NRG1: variants seen among roughly 807,000 people sequenced by gnomAD.
NRG1 encodes pro-neuregulin-1, membrane-bound isoform.
NRG1 carries 18 observed loss-of-function variants against 63.8 expected under a neutral mutation model. That is an observed-to-expected ratio of 0.28 (90% CI 0.19 to 0.42). The LOEUF (loss-of-function observed/expected upper bound fraction) is 0.42. Ranked by LOEUF, NRG1 falls within the 10% of genes least tolerant of loss-of-function variation. NRG1 has a pLI of 1.00. For synonymous variants in NRG1, 302 were observed against 301.3 expected (o/e 1.00, Z -0.02); for missense variants, 762 against 814.7 (o/e 0.94, Z 0.79).
intron 1 of NRG1, among the ~76,000 whole-genome samples, chr8:32,182,590 G>C (rs934179341): frequency 6.6e-6 from 1 of 152,132 alleles, no homozygotes; most frequent in Non-Finnish European, 1.5e-5. Context: ...GTCTGGTGTG[G>C]TCGATCAAGA....
At chr8:31,677,786 T>C (rs192755096) in intron 1 of NRG1, among the ~76,000 whole-genome samples, 82 of 152,312 alleles carry the variant, frequency 5.4e-4, no homozygotes, top group African/African-American at 1.8e-3. Context: ...TACCATTCAA[T>C]CCTGGTGATT....
intron 1 of NRG1, chr8:31,641,688 C>T (rs374274570): frequency 2.0e-5 from 3 of 152,068 alleles, no homozygotes; most frequent in Non-Finnish European, 2.9e-5. Context: ...TAACACATAG[C>T]GGGGTTTCTT....
chr8:32,575,928 A>G (rs1171863670), intron 1 of NRG1, among the ~76,000 whole-genome samples: 1 of 152,224 alleles, frequency 6.6e-6, no homozygotes, highest in East Asian at 1.9e-4. Flanking sequence ...AGCAACCTTC[A>G]TAGGAATTCT....
intron 1 of NRG1, among the ~76,000 whole-genome samples, chr8:31,670,814 T>G (rs539182248): frequency 3.1e-4 from 47 of 152,162 alleles, no homozygotes; most frequent in Non-Finnish European, 5.1e-4. Flanking sequence ...TTGCAACTTT[T>G]ATATTATGTT....
chr8:32,230,246 T>G (rs913540305), intron 1 of NRG1, among the ~76,000 whole-genome samples: 1 of 152,126 alleles, frequency 6.6e-6, no homozygotes, highest in Non-Finnish European at 1.5e-5. Context: ...TGTGCTAAGG[T>G]CAGCTTGGGG....
At chr8:32,720,958 G>A (rs1422209985) in intron 5 of NRG1, among the ~76,000 whole-genome samples, 1 of 152,148 alleles carries the variant, frequency 6.6e-6, no homozygotes, top group Non-Finnish European at 1.5e-5. Flanking sequence ...CTACAAATGA[G>A]ATCAGTGTTA....
chr8:32,270,120 A>G (rs757048690), intron 1 of NRG1, among the ~76,000 whole-genome samples: 4 of 152,230 alleles, frequency 2.6e-5, no homozygotes, highest in Admixed American at 6.5e-5. Flanking sequence ...GCATTTTAAT[A>G]TGCTGTGAAG....
intron 3 of NRG1, among the ~76,000 whole-genome samples, chr8:32,609,935 TGC>T (rs1286116950): frequency 6.6e-6 from 1 of 151,826 alleles, no homozygotes; most frequent in Admixed American, 6.6e-5. Flanking sequence ...GCTCCCAAAG[TGC>T]TTGGATTACA....
intron 1 of NRG1, among the ~76,000 whole-genome samples, chr8:32,097,793 A>G (rs1338073892): frequency 6.6e-6 from 1 of 152,228 alleles, no homozygotes; most frequent in Non-Finnish European, 1.5e-5. Context: ...AGACAATATG[A>G]GACAGCAAAT....
intron 5 of NRG1, among the ~76,000 whole-genome samples, chr8:32,692,872 A>G (rs1174017986): frequency 6.6e-6 from 1 of 152,154 alleles, no homozygotes; most frequent in Non-Finnish European, 1.5e-5. Context: ...ATGGCCAAGT[A>G]TGGAATTTCT....
chr8:31,794,989 G>A (rs2131682184), intron 1 of NRG1, among the ~76,000 whole-genome samples: 1 of 152,218 alleles, frequency 6.6e-6, no homozygotes, highest in East Asian at 1.9e-4. Context: ...TTTTAGTAGA[G>A]GTGGAGTTTC....
At chr8:32,503,288 GAAAAAAAAAAAAAAAA>G (rs60857610) in intron 1 of NRG1, among the ~76,000 whole-genome samples, 2 of 54,862 alleles carry the variant, frequency 3.6e-5, no homozygotes, top group Non-Finnish European at 6.8e-5. Context: ...CTCTGTCTCA[GAAAAAAAAAAAAAAAA>G]AAAAAAAAAA....
intron 1 of NRG1, among the ~76,000 whole-genome samples, chr8:32,013,512 G>A (rs1222496710): frequency 2.0e-5 from 3 of 152,078 alleles, no homozygotes; most frequent in Non-Finnish European, 4.4e-5. Flanking sequence ...TAACTGCTAA[G>A]CTGTGCCAGT....
intron 1 of NRG1, among the ~76,000 whole-genome samples, chr8:31,746,422 T>A (rs1815868773): frequency 6.6e-6 from 1 of 151,988 alleles, no homozygotes; most frequent in Non-Finnish European, 1.5e-5. Flanking sequence ...CACTTCACAC[T>A]TTTGCAGTGT....
At chr8:31,962,573 T>A (rs529185571) in intron 1 of NRG1, among the ~76,000 whole-genome samples, 1 of 152,310 alleles carries the variant, frequency 6.6e-6, no homozygotes, top group East Asian at 1.9e-4. Context: ...ATATGGGACC[T>A]TCAAACTTGG....
intron 1 of NRG1, among the ~76,000 whole-genome samples, chr8:31,932,369 C>G (rs148544039): frequency 6.6e-6 from 1 of 152,072 alleles, no homozygotes; most frequent in Non-Finnish European, 1.5e-5. Flanking sequence ...ATCAGCTACC[C>G]GACAATATTG....
At chr8:32,227,439 G>GA (rs1206000958) in intron 1 of NRG1, among the ~76,000 whole-genome samples, 1 of 151,998 alleles carries the variant, frequency 6.6e-6, no homozygotes, top group Non-Finnish European at 1.5e-5. Flanking sequence ...ATTATTTTAA[G>GA]AAAAAAACTA....
intron 5 of NRG1, among the ~76,000 whole-genome samples, chr8:32,629,221 T>C (rs1849831398): frequency 6.6e-6 from 1 of 152,226 alleles, no homozygotes; most frequent in Admixed American, 6.5e-5. Context: ...TATTATTTTG[T>C]AGTTATACTC....
intron 1 of NRG1, among the ~76,000 whole-genome samples, chr8:32,240,807 G>A (rs1340712635): frequency 6.6e-6 from 1 of 151,994 alleles, no homozygotes; most frequent in Admixed American, 6.6e-5. Flanking sequence ...TGTAAAGGAA[G>A]AATTTTAGAG....
Sources: gnomAD v4.1 joint callset for allele counts (sites outside exome capture counted in the v4.1 genomes callset) on GRCh38, gnomAD v4.1.1 for gene constraint, MANE v1.5 for transcripts, NCBI Gene and HGNC (gene_info 2026-07-23, HGNC 2026-07-21) for gene names.